Variants in SLC25A21 observed in about 807,000 individuals in gnomAD.
The protein encoded by SLC25A21 is solute carrier family 25 member 21, also known as mitochondrial 2-oxodicarboxylate carrier.
SLC25A21 carries 47 observed loss-of-function variants against 43.8 expected under a neutral mutation model. The ratio of observed to expected loss-of-function variants is 1.07; its 90% confidence interval spans 0.85 to 1.37. The LOEUF (loss-of-function observed/expected upper bound fraction) is 1.37, where lower values mean the gene tolerates loss of function less well. SLC25A21 is among the 40% of genes most tolerant of loss of function. SLC25A21 has a pLI of 0.00. For missense variants in SLC25A21, 352 were observed against 350.2 expected, an observed-to-expected ratio of 1.00 and a Z score of -0.04; for synonymous variants, 131 against 121.3, an observed-to-expected ratio of 1.08 and a Z score of -0.52.
chr14:36,719,313 T>A (rs139431149), intron 6 of SLC25A21, among the ~76,000 whole-genome samples: 1 of 152,186 alleles, frequency 6.6e-6, no homozygotes, highest in African/African-American at 2.4e-5. Context: ...CAAAGTCACA[T>A]TGGCAAGACT....
intron 3 of SLC25A21, among the ~76,000 whole-genome samples, chr14:36,770,177 T>C (rs1886565867): frequency 6.6e-6 from 1 of 152,174 alleles, no homozygotes; most frequent in South Asian, 2.1e-4. Flanking sequence ...CACCATGGAA[T>C]ACCGCACAGC....
At chr14:37,068,612 TTTA>T in intron 1 of SLC25A21, among the ~76,000 whole-genome samples, 1 of 152,346 alleles carries the variant, frequency 6.6e-6, no homozygotes, top group African/African-American at 2.4e-5. Flanking sequence ...TTAAATCTAT[TTTA>T]GTCACTTGTC....
At chr14:36,925,367 T>C (rs547732844) in intron 1 of SLC25A21, among the ~76,000 whole-genome samples, 3 of 152,280 alleles carry the variant, frequency 2.0e-5, no homozygotes, top group African/African-American at 4.8e-5. Flanking sequence ...AAAACGCAGA[T>C]AGGCTAAAAG....
At chr14:36,684,426 A>G (rs1476788763) in intron 8 of SLC25A21, among the ~76,000 whole-genome samples, 1 of 152,226 alleles carries the variant, frequency 6.6e-6, no homozygotes, top group Non-Finnish European at 1.5e-5. Flanking sequence ...TGGGATTTAC[A>G]GCCAGAAGAC....
intron 1 of SLC25A21, among the ~76,000 whole-genome samples, chr14:36,893,517 T>G (rs1891145856): frequency 6.6e-6 from 1 of 152,218 alleles, no homozygotes; most frequent in Admixed American, 6.5e-5. Flanking sequence ...GATGGTAGTT[T>G]CTTTTGCTGT....
intron 1 of SLC25A21, among the ~76,000 whole-genome samples, chr14:37,045,373 T>C (rs1961565884): frequency 6.6e-6 from 1 of 152,208 alleles, no homozygotes; most frequent in Non-Finnish European, 1.5e-5. Context: ...TAAAAATCTA[T>C]TACTTTCCAT....
intron 3 of SLC25A21, among the ~76,000 whole-genome samples, chr14:36,770,823 A>T (rs901597179): frequency 6.6e-6 from 1 of 152,200 alleles, no homozygotes; most frequent in African/African-American, 2.4e-5. Flanking sequence ...TTATGTGTAT[A>T]ATCAGTCTTA....
intron 1 of SLC25A21, among the ~76,000 whole-genome samples, chr14:37,052,151 A>G (rs1459890260): frequency 1.3e-5 from 2 of 152,238 alleles, no homozygotes; most frequent in Non-Finnish European, 2.9e-5. Context: ...TTCCCTTAAT[A>G]GGATAAAAGC....
intron 3 of SLC25A21, among the ~76,000 whole-genome samples, chr14:36,764,079 A>AGAAGGAAAGAAGGAAGGAAGGAAG (rs1886279712): frequency 7.2e-5 from 3 of 41,852 alleles, no homozygotes; most frequent in Admixed American, 3.5e-4. Context: ...AAAGAAAGAA[A>AGAAGGAAAGAAGGAAGGAAGGAAG]GAAGGAAGGA....
intron 2 of SLC25A21, among the ~76,000 whole-genome samples, chr14:36,874,268 T>C (rs916940752): frequency 1.3e-5 from 2 of 152,226 alleles, no homozygotes; most frequent in African/African-American, 4.8e-5. Flanking sequence ...TTGGGTTTCA[T>C]ATAGTGCAAA....
intron 1 of SLC25A21, among the ~76,000 whole-genome samples, chr14:36,948,079 G>A (rs573201633): frequency 4.1e-4 from 63 of 152,226 alleles, no homozygotes; most frequent in African/African-American, 1.4e-3. Context: ...TGATAGAAGC[G>A]TGCACACATC....
At chr14:37,033,143 C>G (rs1343249749) in intron 1 of SLC25A21, among the ~76,000 whole-genome samples, 2 of 151,084 alleles carry the variant, frequency 1.3e-5, no homozygotes, top group African/African-American at 4.9e-5. Context: ...CCTACTCCAG[C>G]CCCTGGCAAC....
chr14:37,055,812 T>G, intron 1 of SLC25A21, among the ~76,000 whole-genome samples: 1 of 152,212 alleles, frequency 6.6e-6, no homozygotes, highest in Admixed American at 6.5e-5. Context: ...ACTTCACAAG[T>G]ATTATAAATT....
chr14:36,702,572 G>T (rs56374745), intron 7 of SLC25A21, among the ~76,000 whole-genome samples: 13 of 150,974 alleles, frequency 8.6e-5, no homozygotes, highest in Non-Finnish European at 2.9e-5. Flanking sequence ...GTCTAGATTA[G>T]AATACTTGTT....
At chr14:36,714,363 G>A (rs530857815) in intron 6 of SLC25A21, among the ~76,000 whole-genome samples, 2 of 152,316 alleles carry the variant, frequency 1.3e-5, no homozygotes, top group South Asian at 4.1e-4. Context: ...AAGATAACAG[G>A]TCTGCTTCCT....
chr14:36,845,322 GA>G (rs1279745832), intron 2 of SLC25A21, among the ~76,000 whole-genome samples: 1 of 151,962 alleles, frequency 6.6e-6, no homozygotes. Flanking sequence ...ATGGATTTCT[GA>G]AAAAAAGTAT....
At chr14:36,686,687 T>C (rs1194128050) in intron 7 of SLC25A21, among the ~76,000 whole-genome samples, 1 of 152,248 alleles carries the variant, frequency 6.6e-6, no homozygotes, top group African/African-American at 2.4e-5. Context: ...AGATGCTTTC[T>C]TGAAATCCCC....
intron 6 of SLC25A21, chr14:36,725,293 G>A (rs1220082278): frequency 6.2e-6 from 1 of 160,380 alleles, no homozygotes; most frequent in Non-Finnish European, 1.3e-5. Context: ...GACCAACATG[G>A]AGAAACCCTG....
chr14:36,888,375 T>A (rs1890982623), intron 1 of SLC25A21, among the ~76,000 whole-genome samples: 1 of 152,142 alleles, frequency 6.6e-6, no homozygotes, highest in Non-Finnish European at 1.5e-5. Context: ...GAAAGTGATA[T>A]TCAAGAAAAC....
Sources: allele counts gnomAD v4.1 joint callset (sites outside exome capture counted in the v4.1 genomes callset), GRCh38; gene constraint gnomAD v4.1.1; transcripts MANE v1.5; gene names NCBI Gene and HGNC (gene_info 2026-07-23, HGNC 2026-07-21).